CLYBL: variants seen among roughly 807,000 people sequenced by gnomAD.
The protein encoded by CLYBL is citramalyl-CoA lyase.
A neutral mutation model predicts 38.9 loss-of-function variants in CLYBL; 31 were observed. The ratio of observed to expected loss-of-function variants is 0.80; its 90% CI spans 0.60 to 1.08. The LOEUF (loss-of-function observed/expected upper bound fraction) is 1.08. CLYBL is among the 50% of genes least tolerant of loss of function. The pLI, the probability that CLYBL is intolerant of heterozygous loss-of-function variation, is 0.00. For missense variants in CLYBL, 434 were observed against 411.6 expected (o/e 1.05, Z -0.47); for synonymous variants, 171 against 158.6 (o/e 1.08, Z -0.59).
chr13:99,901,906 C>T (rs1157644240), downstream of CLYBL, among the ~76,000 whole-genome samples: 1 of 152,130 alleles, frequency 6.6e-6, no homozygotes, highest in Admixed American at 6.5e-5. Flanking sequence ...GTGATCCACC[C>T]ACCTTGGCCT....
At chr13:99,756,672 C>T (rs1378440334) in intron 1 of CLYBL, among the ~76,000 whole-genome samples, 4 of 152,116 alleles carry the variant, frequency 2.6e-5, no homozygotes, top group Non-Finnish European at 4.4e-5. Flanking sequence ...GAGCCAAGAC[C>T]GCTCTTCCAG....
At position 99,871,901 on chromosome 13, in the gene CLYBL, T is replaced by G. The variant is rs575303434; in HGVS notation, c.927+839T>G. Among the ~76,000 whole-genome samples the G allele has an allele frequency of 4.0e-5, 6 of 149,990 alleles. No individual in the cohort carries two copies. The East Asian group carries it at 1.2e-3, about 29-fold the overall frequency. On this transcript the variant is annotated intron_variant, in intron 7 of 8. Transcript: ENST00000339105. ...CTCAGCCTGTGACTTCCAGAAGGAG[T>G]AAAGTTTTGATACCTATAATGCAAA... is the stretch of plus-strand genomic sequence containing the variant.
At chr13:99,842,862 G>T (rs1024835748) in intron 2 of CLYBL, among the ~76,000 whole-genome samples, 2 of 152,100 alleles carry the variant, frequency 1.3e-5, no homozygotes, top group African/African-American at 4.8e-5. Flanking sequence ...AGCTGTCATG[G>T]TGCTTATAAA....
intron 2 of CLYBL, among the ~76,000 whole-genome samples, chr13:99,818,700 T>C (rs2050511921): frequency 6.6e-6 from 1 of 152,242 alleles, no homozygotes; most frequent in African/African-American, 2.4e-5. Flanking sequence ...CACTTGAGAT[T>C]GAAATGTGGT....
intron 2 of CLYBL, among the ~76,000 whole-genome samples, chr13:99,814,244 C>T (rs926969751): frequency 1.4e-4 from 22 of 152,310 alleles, no homozygotes; most frequent in African/African-American, 5.3e-4. Flanking sequence ...ATTCCCCTCT[C>T]CTCATGGTAT....
intron 1 of CLYBL, among the ~76,000 whole-genome samples, chr13:99,742,470 CCT>C (rs959350359): frequency 1.2e-4 from 18 of 152,200 alleles, no homozygotes; most frequent in Admixed American, 2.6e-4. Context: ...CTGTTGCCAG[CCT>C]CTGTCAATGA....
chr13:99,696,614 A>G (rs746518716), intron 1 of CLYBL, among the ~76,000 whole-genome samples: 12 of 152,124 alleles, frequency 7.9e-5, no homozygotes, highest in Non-Finnish European at 1.6e-4. Flanking sequence ...TGATTTGATT[A>G]CATCCTAGGA....
chr13:99,714,750 C>A (rs1039210929), intron 1 of CLYBL, among the ~76,000 whole-genome samples: 13 of 152,038 alleles, frequency 8.6e-5, no homozygotes, highest in African/African-American at 2.7e-4. Flanking sequence ...GAGTTCGAGA[C>A]CAGCCTGGCC....
intron 7 of CLYBL, among the ~76,000 whole-genome samples, chr13:99,876,890 A>G (rs527948134): frequency 4.6e-5 from 7 of 152,288 alleles, no homozygotes; most frequent in East Asian, 1.9e-4. Flanking sequence ...GGTAGTTCCA[A>G]TGTATGTCTT....
At chr13:99,736,318 A>G (rs1220942600) in intron 1 of CLYBL, among the ~76,000 whole-genome samples, 3 of 151,760 alleles carry the variant, frequency 2.0e-5, no homozygotes, top group Admixed American at 6.6e-5. Context: ...GGATTACAGT[A>G]TGAGCCACCG....
chr13:99,664,847 A>G (rs1333238050), intron 1 of CLYBL, among the ~76,000 whole-genome samples: 2 of 152,162 alleles, frequency 1.3e-5, no homozygotes, highest in African/African-American at 4.8e-5. Flanking sequence ...CTTTTTTAGT[A>G]CACAATTAGG....
At chr13:99,694,330 T>C (rs1334120992) in intron 1 of CLYBL, among the ~76,000 whole-genome samples, 2 of 152,206 alleles carry the variant, frequency 1.3e-5, no homozygotes, top group Non-Finnish European at 2.9e-5. Context: ...TGCACACACA[T>C]TTGCTGTGCA....
At chr13:99,792,543 G>T (rs1035080081) in intron 2 of CLYBL, among the ~76,000 whole-genome samples, 2 of 152,098 alleles carry the variant, frequency 1.3e-5, no homozygotes, top group Admixed American at 1.3e-4. Context: ...CTTCTAAGTG[G>T]CAGTCAGTGC....
At chr13:99,804,431 C>G (rs2050192425) in intron 2 of CLYBL, among the ~76,000 whole-genome samples, 1 of 152,198 alleles carries the variant, frequency 6.6e-6, no homozygotes, top group African/African-American at 2.4e-5. Flanking sequence ...TTGTTGGCCA[C>G]TATAAGCACC....
intron 2 of CLYBL, among the ~76,000 whole-genome samples, chr13:99,808,474 A>C (rs923654935): frequency 6.9e-6 from 1 of 145,974 alleles, no homozygotes; most frequent in Non-Finnish European, 1.5e-5. Context: ...ACCGGAGATA[A>C]TACTATAATT....
intron 1 of CLYBL, among the ~76,000 whole-genome samples, chr13:99,622,170 C>T (rs1311440010): frequency 4.6e-5 from 7 of 152,232 alleles, no homozygotes; most frequent in Non-Finnish European, 1.0e-4. Context: ...CTTGTGATTA[C>T]GTTGGCCCCA....
At chr13:99,821,086 C>T (rs1300262326) in intron 2 of CLYBL, among the ~76,000 whole-genome samples, 1 of 152,154 alleles carries the variant, frequency 6.6e-6, no homozygotes, top group Non-Finnish European at 1.5e-5. Flanking sequence ...GATGTAGAAA[C>T]TGCTTGGTGG....
chr13:99,800,891 C>CA (rs1326548125), intron 2 of CLYBL, among the ~76,000 whole-genome samples: 10 of 123,076 alleles, frequency 8.1e-5, no homozygotes, highest in African/African-American at 3.2e-4. Flanking sequence ...AAAACAACAA[C>CA]AACAAAAAAA....
downstream of CLYBL, chr13:99,896,717 AGCTTTTTGGTTAT>A (rs2052584978): frequency 6.6e-6 from 1 of 152,238 alleles, no homozygotes; most frequent in East Asian, 1.9e-4. Context: ...CCTTTATGGT[AGCTTTTTGGTTAT>A]GAGTTTTGGC....
Sources: gnomAD v4.1 joint callset for allele counts (sites outside exome capture counted in the v4.1 genomes callset) on GRCh38, gnomAD v4.1.1 for gene constraint, MANE v1.5 for transcripts, NCBI Gene and HGNC (gene_info 2026-07-23, HGNC 2026-07-21) for gene names.